The following FGF12 variants were observed in gnomAD, a reference collection of about 807,000 sequenced individuals.
The protein encoded by FGF12 is fibroblast growth factor 12.
In FGF12, 14 loss-of-function variants were observed where a neutral mutation model predicts 23.6. The ratio of observed to expected loss-of-function variants is 0.59; its 90% CI spans 0.39 to 0.93. The LOEUF is 0.93. FGF12 is among the 40% of genes least tolerant of loss of function. The probability of loss-of-function intolerance (pLI) is 0.00; values close to 1 mark genes in which losing one functional copy is unlikely to be tolerated. For missense variants in FGF12, 175 were observed against 217.8 expected, an observed-to-expected ratio of 0.80 and a Z score of 1.24; for synonymous variants, 62 against 77.3, an observed-to-expected ratio of 0.80 and a Z score of 1.04.
chr3:192,415,732 T>A lies in FGF12; in HGVS notation c.14-55194A>T, dbSNP rs866102187. On this transcript the variant is annotated intron_variant, in intron 2 of 5. Transcript: ENST00000445105. ...CTGATACTTCTCTTCTCTCTCTCTC[T>A]CACACACACACACACACACACACAC... Among the ~76,000 whole-genome samples, 463 of 118,036 alleles carry A rather than the reference T, an allele frequency of 3.9e-3. 7 individuals are homozygous for A. Among genetic ancestry groups the A allele is most frequent in the African/African-American group, 0.013 (423 of 31,588 alleles). 77.4% of individuals were successfully genotyped at this position (118,036 alleles called of 152,430 possible). A position where few individuals can be genotyped will look rare whatever the true frequency, so the allele number is the denominator to read the frequency against.
chr3:192,432,620 C>CAAAAAAA (rs201364119), intron 2 of FGF12, among the ~76,000 whole-genome samples: 11 of 106,714 alleles, frequency 1.0e-4, no homozygotes, highest in African/African-American at 3.7e-4. Context: ...TGACATCTGG[C>CAAAAAAA]AAAAAAAAAA....
intron 2 of FGF12, among the ~76,000 whole-genome samples, chr3:192,482,210 G>A (rs1272587452): frequency 6.6e-6 from 1 of 152,058 alleles, no homozygotes; most frequent in African/African-American, 2.4e-5. Flanking sequence ...AAAGAACTAA[G>A]CAAAATGTGT....
intron 4 of FGF12, among the ~76,000 whole-genome samples, chr3:192,313,364 A>G (rs1283379056): frequency 6.6e-6 from 1 of 152,200 alleles, no homozygotes; most frequent in East Asian, 1.9e-4. Flanking sequence ...CACAGGCACA[A>G]TGTCATTGCT....
At chr3:192,612,153 A>G (rs1316456558) in intron 2 of FGF12, among the ~76,000 whole-genome samples, 1 of 152,054 alleles carries the variant, frequency 6.6e-6, no homozygotes, top group East Asian at 1.9e-4. Flanking sequence ...AACCAGTCAC[A>G]GTAGTAGAGA....
intron 4 of FGF12, among the ~76,000 whole-genome samples, chr3:192,247,028 G>GGAAAGAAGGAAGGAAA: frequency 7.5e-6 from 1 of 133,334 alleles, no homozygotes; most frequent in East Asian, 2.2e-4. Context: ...AGGGAGGGAA[G>GGAAAGAAGGAAGGAAA]GAAAGAAGGA....
intron 2 of FGF12, among the ~76,000 whole-genome samples, chr3:192,414,521 G>A (rs988448124): frequency 6.6e-6 from 1 of 152,132 alleles, no homozygotes; most frequent in Non-Finnish European, 1.5e-5. Context: ...ATACATTTAT[G>A]TAACTCTTTA....
At chr3:192,501,734 A>G (rs1034330506) in intron 2 of FGF12, among the ~76,000 whole-genome samples, 5 of 152,230 alleles carry the variant, frequency 3.3e-5, no homozygotes, top group African/African-American at 1.2e-4. Flanking sequence ...TACTCTAAAC[A>G]TAGCAGTCTC....
intron 2 of FGF12, among the ~76,000 whole-genome samples, chr3:192,590,211 T>C (rs78643075): frequency 6.6e-6 from 1 of 151,882 alleles, no homozygotes; most frequent in Non-Finnish European, 1.5e-5. Context: ...TAGTGATTCA[T>C]TCTAGAACCA....
At chr3:192,218,850 A>T (rs1718329648) in intron 4 of FGF12, among the ~76,000 whole-genome samples, 2 of 152,176 alleles carry the variant, frequency 1.3e-5, no homozygotes, top group African/African-American at 4.8e-5. Context: ...TGATTGCTAG[A>T]TTTGCTCCAC....
intron 2 of FGF12, among the ~76,000 whole-genome samples, chr3:192,399,440 TTC>T (rs1560099548): frequency 6.6e-6 from 1 of 152,188 alleles, no homozygotes; most frequent in Non-Finnish European, 1.5e-5. Context: ...AAAAATACAT[TTC>T]TGTTGTTTAA....
intron 2 of FGF12, among the ~76,000 whole-genome samples, chr3:192,724,262 C>A (rs1719139674): frequency 2.6e-5 from 4 of 152,168 alleles, no homozygotes; most frequent in Admixed American, 2.0e-4. Flanking sequence ...TATGGAGATT[C>A]TGCAGTTCTA....
intron 2 of FGF12, among the ~76,000 whole-genome samples, chr3:192,711,751 T>C (rs144138520): frequency 0.014 from 2,098 of 152,112 alleles, 47 homozygotes; most frequent in African/African-American, 0.049. Flanking sequence ...GAAGGCAGCA[T>C]GCTCCTTAAG....
chr3:192,424,953 A>G (rs1721648090), intron 2 of FGF12, among the ~76,000 whole-genome samples: 1 of 152,246 alleles, frequency 6.6e-6, no homozygotes, highest in African/African-American at 2.4e-5. Context: ...CAAGATGCAT[A>G]CAAGGTGAGT....
At chr3:192,544,335 T>G (rs1234484344) in intron 2 of FGF12, among the ~76,000 whole-genome samples, 1 of 152,168 alleles carries the variant, frequency 6.6e-6, no homozygotes, top group Non-Finnish European at 1.5e-5. Flanking sequence ...AAGTTAAAAC[T>G]GGGTACTGTG....
intron 4 of FGF12, among the ~76,000 whole-genome samples, chr3:192,216,144 G>A (rs1718181614): frequency 2.0e-5 from 3 of 152,134 alleles, no homozygotes; most frequent in Admixed American, 2.0e-4. Context: ...AGACAATGTA[G>A]TGTATTGTTA....
intron 2 of FGF12, among the ~76,000 whole-genome samples, chr3:192,386,585 A>T (rs1361037617): frequency 6.6e-6 from 1 of 152,188 alleles, no homozygotes; most frequent in Non-Finnish European, 1.5e-5. Flanking sequence ...CAGAAGAATA[A>T]ATATGAGTAT....
rs79282548 is a variant in FGF12, at chr3:192,548,348, T to C, written c.13+178833A>G. ...AATATTTCTTAAATTTCAAATTCAATATTAGAATTGATATAAATTTCAGAC... is the reference window on the plus strand; with the variant it reads ...AATATTTCTTAAATTTCAAATTCAACATTAGAATTGATATAAATTTCAGAC... On this transcript the variant is annotated intron_variant, in intron 2 of 5. Transcript: ENST00000445105. Among the ~76,000 whole-genome samples, 668 of 152,276 alleles carry C rather than the reference T, an allele frequency of 4.4e-3. 4 individuals are homozygous for C. Among genetic ancestry groups the C allele is most frequent in the African/African-American group, 0.016 (646 of 41,576 alleles).
At chr3:192,629,499 T>C (rs1312184185) in intron 2 of FGF12, among the ~76,000 whole-genome samples, 1 of 152,180 alleles carries the variant, frequency 6.6e-6, no homozygotes, top group Admixed American at 6.5e-5. Flanking sequence ...TCTGCAAAAA[T>C]GGGCTCAGAA....
intron 2 of FGF12, among the ~76,000 whole-genome samples, chr3:192,393,206 C>T (rs1285495836): frequency 6.6e-6 from 1 of 152,174 alleles, no homozygotes; most frequent in Non-Finnish European, 1.5e-5. Flanking sequence ...AAGCAATATG[C>T]TAGGCTTTGT....
Sources: gnomAD v4.1 joint callset for allele counts (sites outside exome capture counted in the v4.1 genomes callset) on GRCh38, gnomAD v4.1.1 for gene constraint, MANE v1.5 for transcripts, NCBI Gene and HGNC (gene_info 2026-07-23, HGNC 2026-07-21) for gene names.